The following SLC2A9 variants were observed in gnomAD, a reference collection of about 807,000 sequenced individuals.
SLC2A9 encodes the protein solute carrier family 2, facilitated glucose transporter member 9.
Under a neutral mutation model 50.6 loss-of-function variants are expected in SLC2A9, and 39 were observed. That is an observed-to-expected ratio of 0.77 (90% CI 0.60 to 1.01). SLC2A9 has a LOEUF of 1.01. Among genes scored for constraint, SLC2A9 ranks in the 50% least tolerant of loss-of-function variants. The probability of loss-of-function intolerance (pLI) is 0.00; values close to 1 mark genes in which losing one functional copy is unlikely to be tolerated. For synonymous variants in SLC2A9, 324 were observed against 276.9 expected (o/e 1.17, Z -1.69); for missense variants, 686 against 677.6 (o/e 1.01, Z -0.14).
chr4:9,944,839 T>A (rs1327511866), intron 5 of SLC2A9, among the ~76,000 whole-genome samples: 7 of 152,244 alleles, frequency 4.6e-5, no homozygotes, highest in Non-Finnish European at 5.9e-5. Context: ...CCTCACCTTC[T>A]ACCAAGAAAA....
chr4:9,868,916 G>A (rs1732958475), intron 10 of SLC2A9, among the ~76,000 whole-genome samples: 2 of 152,166 alleles, frequency 1.3e-5, no homozygotes, highest in Non-Finnish European at 2.9e-5. Flanking sequence ...CCCCCCAAAG[G>A]CATGGGTTCT....
intron 6 of SLC2A9, among the ~76,000 whole-genome samples, chr4:9,931,890 C>T (rs73096626): frequency 0.023 from 3,150 of 138,156 alleles, 56 homozygotes; most frequent in Middle Eastern, 0.039. Flanking sequence ...AGAGTGACTG[C>T]AGGGAGACCT....
chr4:10,011,750 C>A (rs1453966210), intron 2 of SLC2A9, among the ~76,000 whole-genome samples: 1 of 152,170 alleles, frequency 6.6e-6, no homozygotes, highest in Non-Finnish European at 1.5e-5. Context: ...ACAGAAAGGA[C>A]AAAGCCTAGA....
intron 1 of SLC2A9, among the ~76,000 whole-genome samples, chr4:10,020,614 ACT>A (rs1408686947): frequency 6.6e-6 from 1 of 151,998 alleles, no homozygotes; most frequent in Non-Finnish European, 1.5e-5. Context: ...GTTCTCTATC[ACT>A]CTTTCTCTTT....
At chr4:9,985,970 G>T (rs1756647331) in intron 3 of SLC2A9, among the ~76,000 whole-genome samples, 177 bp from the exon 4 acceptor site, 1 of 152,194 alleles carries the variant, frequency 6.6e-6, no homozygotes, top group South Asian at 2.1e-4. Flanking sequence ...CAGCCCTGGG[G>T]TCTACTAGGT....
At chr4:9,781,445 T>G (rs1197058206) in intron 3 of SLC2A9, among the ~76,000 whole-genome samples, 2 of 152,194 alleles carry the variant, frequency 1.3e-5, no homozygotes, top group African/African-American at 4.8e-5. Flanking sequence ...CGGGGAGAAT[T>G]TTCCCCGGCC....
At chr4:9,994,761 C>T (rs554038188) in intron 3 of SLC2A9, among the ~76,000 whole-genome samples, 1 of 152,076 alleles carries the variant, frequency 6.6e-6, no homozygotes, top group East Asian at 1.9e-4. Flanking sequence ...TTTCCTATTC[C>T]ATCTGCATGG....
chr4:9,835,028 A>G lies in SLC2A9; in HGVS notation c.1292-20T>C. On this transcript the variant is annotated intron_variant, in intron 10 of 11. Coordinates refer to ENST00000264784, the MANE Select transcript of SLC2A9 (RefSeq NM_020041.3). ...TGCCACCTGCAGTGTGTGAGCCAGG[A>G]CATGGAATTAATCACTCTGAGAAGG... 6.2e-7 allele frequency: 1 copy of G among 1,612,628 alleles called. No individual in the cohort carries two copies. Among genetic ancestry groups the G allele is most frequent in the Non-Finnish European group, 8.5e-7 (1 of 1,179,870 alleles).
At chr4:9,804,189 C>T (rs1333516371) in intron 3 of SLC2A9, among the ~76,000 whole-genome samples, 1 of 152,168 alleles carries the variant, frequency 6.6e-6, no homozygotes, top group African/African-American at 2.4e-5. Context: ...TACCTGGTGT[C>T]ATGAAAGCTT....
chr4:9,862,448 G>A (rs1004809785), intron 10 of SLC2A9, among the ~76,000 whole-genome samples: 1 of 152,032 alleles, frequency 6.6e-6, no homozygotes, highest in Non-Finnish European at 1.5e-5. Flanking sequence ...CCATGTATGT[G>A]TGAAATATAC....
At chr4:9,882,352 A>G (rs1374869847) in intron 10 of SLC2A9, among the ~76,000 whole-genome samples, 1 of 152,164 alleles carries the variant, frequency 6.6e-6, no homozygotes, top group Non-Finnish European at 1.5e-5. Flanking sequence ...AATCTTTAGC[A>G]AAGAGCTGAG....
At chr4:9,802,559 C>CTTTTTT (rs1238703528) in intron 3 of SLC2A9, among the ~76,000 whole-genome samples, 12 of 127,032 alleles carry the variant, frequency 9.4e-5, no homozygotes, top group African/African-American at 1.5e-4. Context: ...TTGTTCTTTT[C>CTTTTTT]TTTTTTTTTT....
chr4:9,801,815 G>C (rs1401134680), intron 3 of SLC2A9, among the ~76,000 whole-genome samples: 3 of 144,788 alleles, frequency 2.1e-5, no homozygotes, highest in Non-Finnish European at 2.9e-5. Flanking sequence ...AAGAAACAAG[G>C]GGGTTACAGG....
At chr4:9,959,937 G>A (rs1751988272) in intron 5 of SLC2A9, among the ~76,000 whole-genome samples, 1 of 152,194 alleles carries the variant, frequency 6.6e-6, no homozygotes, top group Non-Finnish European at 1.5e-5. Context: ...GAATTTGGTG[G>A]TAGGCAGGGA....
chr4:9,847,786 C>T (rs1295095410), intron 10 of SLC2A9, among the ~76,000 whole-genome samples: 1 of 152,010 alleles, frequency 6.6e-6, no homozygotes, highest in Non-Finnish European at 1.5e-5. Flanking sequence ...AAAGGTTTTC[C>T]CTTTGTAGGG....
intron 10 of SLC2A9, among the ~76,000 whole-genome samples, chr4:9,846,903 G>A (rs891204271): frequency 6.6e-6 from 1 of 152,182 alleles, no homozygotes; most frequent in Non-Finnish European, 1.5e-5. Flanking sequence ...CCACAAGTGT[G>A]TCCATATGTC....
chr4:9,881,457 T>C (rs1256399818), intron 10 of SLC2A9, among the ~76,000 whole-genome samples: 1 of 152,228 alleles, frequency 6.6e-6, no homozygotes, highest in East Asian at 1.9e-4. Context: ...CCTCCTTCCC[T>C]ACCTCACCAG....
intron 7 of SLC2A9, among the ~76,000 whole-genome samples, chr4:9,910,218 T>C (rs1002789405): frequency 2.0e-5 from 3 of 152,336 alleles, no homozygotes; most frequent in Admixed American, 6.5e-5. Flanking sequence ...TCTGCACCTG[T>C]TTCTCACTTG....
chr4:9,929,669 C>T (rs917198562), intron 6 of SLC2A9, among the ~76,000 whole-genome samples: 3 of 152,140 alleles, frequency 2.0e-5, no homozygotes, highest in Non-Finnish European at 1.5e-5. Context: ...CTAGAAGGGG[C>T]TAGTGCTGTC....
Sources: gnomAD v4.1 joint callset for allele counts (sites outside exome capture counted in the v4.1 genomes callset) on GRCh38, gnomAD v4.1.1 for gene constraint, MANE v1.5 for transcripts, NCBI Gene and HGNC (gene_info 2026-07-23, HGNC 2026-07-21) for gene names.